PIP5K1B: variants seen among roughly 807,000 people sequenced by gnomAD.
PIP5K1B encodes the protein phosphatidylinositol-4-phosphate 5-kinase type 1 beta.
A neutral mutation model predicts 67.0 loss-of-function variants in PIP5K1B; 42 were observed. The observed-to-expected ratio is 0.63, with a 90% CI of 0.49 to 0.81. PIP5K1B has a LOEUF of 0.81. Ranked by LOEUF, PIP5K1B falls within the 30% of genes least tolerant of loss-of-function variation. The pLI, the probability that PIP5K1B is intolerant of heterozygous loss-of-function variation, is 0.00. For missense variants in PIP5K1B, 459 were observed against 646.3 expected (o/e 0.71, Z 3.14); for synonymous variants, 214 against 231.4 (o/e 0.92, Z 0.68).
intron 3 of PIP5K1B, among the ~76,000 whole-genome samples, chr9:68,819,337 G>A (rs895837205): frequency 3.3e-5 from 5 of 152,182 alleles, no homozygotes; most frequent in African/African-American, 4.8e-5. Context: ...GCAGTGGTGC[G>A]ATCATGGCTC....
intron 1 of PIP5K1B, among the ~76,000 whole-genome samples, chr9:68,731,229 G>A (rs1828415250): frequency 6.6e-6 from 1 of 152,220 alleles, no homozygotes; most frequent in South Asian, 2.1e-4. Flanking sequence ...AATATCTGTT[G>A]TGCCAATATG....
chr9:68,783,535 G>A (rs1201394902), intron 2 of PIP5K1B: 2 of 166,820 alleles, frequency 1.2e-5, no homozygotes, highest in Non-Finnish European at 2.9e-5. Context: ...TTAACAACTT[G>A]ATATCTATTG....
chr9:68,982,262 G>A (rs1019415052), intron 14 of PIP5K1B, among the ~76,000 whole-genome samples: 8 of 152,108 alleles, frequency 5.3e-5, no homozygotes, highest in Non-Finnish European at 1.0e-4. Context: ...TTGCTTCTAA[G>A]TGACCCCTAA....
intron 14 of PIP5K1B, among the ~76,000 whole-genome samples, chr9:68,971,169 AGTGTAT>A (rs1198329532): frequency 3.3e-5 from 5 of 152,024 alleles, no homozygotes; most frequent in African/African-American, 1.2e-4. Flanking sequence ...GACAGGCCCC[AGTGTAT>A]GATGTTCCCT....
intron 4 of PIP5K1B, among the ~76,000 whole-genome samples, chr9:68,845,765 G>A (rs1181599199): frequency 6.6e-6 from 1 of 152,200 alleles, no homozygotes; most frequent in African/African-American, 2.4e-5. Flanking sequence ...TGTAATCCTA[G>A]ATCTTGAAAC....
At chr9:68,907,983 C>G (rs886904177) in intron 8 of PIP5K1B, among the ~76,000 whole-genome samples, 2 of 152,092 alleles carry the variant, frequency 1.3e-5, no homozygotes, top group African/African-American at 4.8e-5. Flanking sequence ...CCAAGAAAGG[C>G]AGTTTACCAG....
intron 2 of PIP5K1B, among the ~76,000 whole-genome samples, chr9:68,747,930 T>C (rs1019555047): frequency 6.6e-6 from 1 of 152,186 alleles, no homozygotes; most frequent in African/African-American, 2.4e-5. Context: ...TTATAGAACA[T>C]AAAATTAACC....
intron 1 of PIP5K1B, among the ~76,000 whole-genome samples, chr9:68,721,007 C>T (rs1827854890): frequency 6.6e-6 from 1 of 152,198 alleles, no homozygotes; most frequent in South Asian, 2.1e-4. Context: ...ACGTATGAAG[C>T]ATGACATCAT....
chr9:68,713,286 C>T (rs1827480039), intron 1 of PIP5K1B, among the ~76,000 whole-genome samples: 3 of 152,168 alleles, frequency 2.0e-5, no homozygotes, highest in Non-Finnish European at 4.4e-5. Context: ...GTAATCCCAG[C>T]TACTTGGGAG....
intron 15 of PIP5K1B, among the ~76,000 whole-genome samples, chr9:68,991,520 CT>C (rs1830364657): frequency 6.6e-6 from 1 of 152,186 alleles, no homozygotes; most frequent in Admixed American, 6.6e-5. Flanking sequence ...CAAAGTAGGG[CT>C]CCTTAGTGTT....
intron 5 of PIP5K1B, among the ~76,000 whole-genome samples, chr9:68,876,141 A>C (rs1049501422): frequency 7.9e-5 from 12 of 152,200 alleles, no homozygotes; most frequent in African/African-American, 2.9e-4. Context: ...TCAGGTTTTA[A>C]ATTTTTTAAA....
intron 14 of PIP5K1B, chr9:68,963,043 A>G (rs983421966): frequency 5.5e-6 from 2 of 361,998 alleles, no homozygotes; most frequent in Non-Finnish European, 1.1e-5. Flanking sequence ...CATTGCATCG[A>G]TGAAAGAAAC....
chr9:68,867,922 G>A (rs1000449945), intron 5 of PIP5K1B, among the ~76,000 whole-genome samples: 7 of 152,100 alleles, frequency 4.6e-5, no homozygotes, highest in East Asian at 1.9e-4. Context: ...TGCAGAATCC[G>A]TTTCCCCTAG....
chr9:68,959,083 G>A (rs1036864390), intron 14 of PIP5K1B, among the ~76,000 whole-genome samples: 1 of 152,118 alleles, frequency 6.6e-6, no homozygotes, highest in African/African-American at 2.4e-5. Context: ...AAATAATTGT[G>A]AACCAAGTTC....
At position 68,882,606 on chromosome 9, in the gene PIP5K1B, C is replaced by G. The variant is rs192710708; in HGVS notation, c.318+5812C>G. The stretch of plus-strand genomic sequence containing the variant: ...TGAATCCAGTTTTTTCTAGACACCT[C>G]TTTCCGGATCACCCCCTAATTTCTC... On this transcript the variant is annotated intron_variant, in intron 6 of 15. Transcript: ENST00000265382. 1.2e-3 allele frequency among the ~76,000 whole-genome samples: 188 copies of G among 152,238 alleles called. 1 individual carries two copies. Among genetic ancestry groups the G allele is most frequent in the African/African-American group, 4.4e-3 (182 of 41,528 alleles).
intron 1 of PIP5K1B, among the ~76,000 whole-genome samples, chr9:68,719,281 G>T (rs1057309045): frequency 1.1e-4 from 16 of 152,122 alleles, no homozygotes; most frequent in African/African-American, 3.6e-4. Flanking sequence ...CAATTGATGA[G>T]TATTTTGGTA....
At chr9:68,807,535 C>T (rs1339872453) in intron 2 of PIP5K1B, among the ~76,000 whole-genome samples, 2 of 152,164 alleles carry the variant, frequency 1.3e-5, no homozygotes, top group African/African-American at 4.8e-5. Context: ...GGGTAACTAT[C>T]AGCTGTTCTT....
chr9:68,735,253 A>G (rs1208366389), intron 1 of PIP5K1B, among the ~76,000 whole-genome samples: 1 of 135,690 alleles, frequency 7.4e-6, no homozygotes, highest in African/African-American at 2.7e-5. Context: ...GCCACAATTC[A>G]TTAACTAATT....
At chr9:68,733,918 G>A (rs1202225855) in intron 1 of PIP5K1B, among the ~76,000 whole-genome samples, 4 of 152,040 alleles carry the variant, frequency 2.6e-5, no homozygotes, top group Non-Finnish European at 4.4e-5. Flanking sequence ...GATTACAGGC[G>A]TGAGCCACTG....
Sources: gnomAD v4.1 joint callset for allele counts (sites outside exome capture counted in the v4.1 genomes callset) on GRCh38, gnomAD v4.1.1 for gene constraint, MANE v1.5 for transcripts, NCBI Gene and HGNC (gene_info 2026-07-23, HGNC 2026-07-21) for gene names.